Variants in FCHO1 observed in about 807,000 individuals in gnomAD.
FCHO1 encodes F-BAR domain only protein 1.
FCHO1 carries 45 observed loss-of-function variants against 114.4 expected under a neutral mutation model. The ratio of observed to expected loss-of-function variants is 0.39; its 90% CI spans 0.31 to 0.50. The LOEUF is 0.50. Ranked by LOEUF, FCHO1 falls within the 20% of genes least tolerant of loss-of-function variation. FCHO1 has a pLI of 0.77. For missense variants in FCHO1, 1,042 were observed against 1,209.6 expected (o/e 0.86, Z 2.06); for synonymous variants, 480 against 488.9 (o/e 0.98, Z 0.24).
At chr19:17,768,740 T>A (rs1324384382) in intron 7 of FCHO1, among the ~76,000 whole-genome samples, 1 of 141,086 alleles carries the variant, frequency 7.1e-6, no homozygotes, top group Non-Finnish European at 1.5e-5. Flanking sequence ...AGAGAAGGGG[T>A]CCTGCTGTGT....
chr19:17,783,064 G>T lies in FCHO1; in HGVS notation c.1985G>T (p.Gly662Val). The change falls in exon 24 of 29, where the codon GGC becomes GTC. Residue 662 changes from glycine to valine, a missense_variant. Around this residue, in one of 3 missense-constraint regions of FCHO1, gnomAD observed 455 missense variants for 455.4 expected, o/e 1.00. Transcript: ENST00000596536. ...TGELTMTFPA[G>V]IVRVFSGTPP... ...GAGCTGACCATGACCTTCCCTGCTG[G>T]CATCGTGCGTGTGTTCAGCGGGACC... The T allele has an allele frequency of 6.2e-7, 1 of 1,614,122 alleles. No homozygotes were observed. The highest frequency in any genetic ancestry group is 8.5e-7 in the Non-Finnish European group (1 of 1,180,016).
Position 17,788,332 on chromosome 19 carries a change from C to A in FCHO1, c.*26C>A. 1 of 1,601,874 alleles carries A rather than the reference C, an allele frequency of 6.2e-7. No homozygotes were observed. Among genetic ancestry groups the A allele is most frequent in the Non-Finnish European group, 8.5e-7 (1 of 1,172,262 alleles). ...ACCCGCAAATGCTGCTGCCCCAGCT[C>A]TACACTGCGCCCTGGTGCTGGCTGA... is the stretch of plus-strand genomic sequence containing the variant. On this transcript the variant is annotated 3_prime_UTR_variant, in exon 29 of 29. Coordinates refer to ENST00000596536, the MANE Select transcript of FCHO1 (RefSeq NM_015122.3).
At chr19:17,760,985 C>T (rs1390267437) in intron 4 of FCHO1, among the ~76,000 whole-genome samples, 4 of 152,156 alleles carry the variant, frequency 2.6e-5, no homozygotes, top group Non-Finnish European at 5.9e-5. Flanking sequence ...CCTAAAAGCT[C>T]AGAGGGGGCA....
intron 26 of FCHO1, among the ~76,000 whole-genome samples, chr19:17,785,565 G>A (rs553223316): frequency 6.6e-6 from 1 of 152,214 alleles, no homozygotes; most frequent in Non-Finnish European, 1.5e-5. Context: ...CGGGTGCGGT[G>A]GCTCACACCT....
At chr19:17,780,356 G>A (rs372482360) in intron 20 of FCHO1, among the ~76,000 whole-genome samples, 1 of 152,024 alleles carries the variant, frequency 6.6e-6, no homozygotes, top group African/African-American at 2.4e-5. Context: ...TAGAGATGGG[G>A]TTTCACCATG....
rs555900461 is a variant in FCHO1 at position 17,764,545 on chromosome 19, C to T, written c.194+96C>T. 125 of 962,868 alleles carry T rather than the reference C, an allele frequency of 1.3e-4. No individual in the cohort carries two copies. In the African/African-American group the frequency reaches 1.9e-3, roughly 15 times the overall value. 59.6% of individuals were successfully genotyped at this position (962,868 alleles called of 1,614,324 possible). A position where few individuals can be genotyped will look rare whatever the true frequency, so the allele number is the denominator to read the frequency against. ...CGGTGCATGTAGAATAGAGTGTCAT[C>T]CACCTCGATTATGGGGCTATTTGGA... On this transcript the variant is annotated intron_variant, in intron 6 of 28. Transcript: ENST00000596536.
Position 17,766,659 on chromosome 19 carries a change from C to T in FCHO1, c.195-10C>T, listed in dbSNP as rs376703961. The stretch of plus-strand genomic sequence containing the variant: ...TGATGAACCCTGGGTGTGACCTTGC[C>T]CGCCCCCAGGACCTTCGCCCCGCTC... On this transcript the variant is annotated splice_polypyrimidine_tract_variant and intron_variant, in intron 6 of 28. Coordinates refer to ENST00000596536, the MANE Select transcript of FCHO1 (RefSeq NM_015122.3). The T allele has an allele frequency of 6.2e-7, 1 of 1,613,946 alleles. No individual in the cohort carries two copies. Among genetic ancestry groups the T allele is most frequent in the African/African-American group, 1.3e-5 (1 of 75,054 alleles).
upstream of FCHO1, among the ~76,000 whole-genome samples, chr19:17,750,368 G>GA (rs1372352968): frequency 6.6e-6 from 1 of 151,900 alleles, no homozygotes; most frequent in African/African-American, 2.4e-5. Context: ...AATCCAAAGG[G>GA]AAAAAAATGA....
Position 17,770,859 on chromosome 19 carries a change from G to C in FCHO1, c.557G>C (p.Arg186Pro). 1 of 1,614,132 alleles carries C rather than the reference G, an allele frequency of 6.2e-7. No individual in the cohort carries two copies. Among genetic ancestry groups the C allele is most frequent in the Non-Finnish European group, 8.5e-7 (1 of 1,180,044 alleles). The change falls in exon 9 of 29, where the codon CGA becomes CCA. Residue 186 changes from arginine (R) to proline (P), a missense_variant. By Grantham distance (103) the Arg-to-Pro change is moderately radical. Around this residue, in one of 3 missense-constraint regions of FCHO1, gnomAD observed 450 missense variants for 564.1 expected, o/e 0.80. Transcript: ENST00000596536. ...RRSVEKYNSA[R>P]ADFEQKMLDS... ...TCAGTGGAAAAATACAACTCAGCCC[G>C]AGCTGACTTTGAGCAGAAGATGCTG... is the stretch of plus-strand genomic sequence containing the variant.
In FCHO1 at chr19:17,781,232, C is replaced by T. The variant is rs756311203; in HGVS notation, c.1629C>T (p.Asp543=). ...GTGCCTCTTTGTACTCGCTCCTAGACCTGATGCCTGCACCTGCTGACCCCA... is the reference window on the plus strand; with the variant it reads ...GTGCCTCTTTGTACTCGCTCCTAGATCTGATGCCTGCACCTGCTGACCCCA... ...PWGLEALAGG[D]LMPAPADPTA... The change falls in exon 21 of 29, where the codon GAC becomes GAT. Residue 543 remains aspartate (D), a splice_region_variant and synonymous_variant. Transcript: ENST00000596536. The T allele has an allele frequency of 1.2e-6, 2 of 1,611,868 alleles. No individual in the cohort carries two copies. The highest frequency in any genetic ancestry group is 4.5e-5 in the East Asian group (2 of 44,842).
chr19:17,759,225 C>CTTTTTTTTTT (rs2085055880), intron 4 of FCHO1, among the ~76,000 whole-genome samples: 2 of 12,302 alleles, frequency 1.6e-4, no homozygotes, highest in African/African-American at 3.8e-4. Context: ...CAGCTGATTA[C>CTTTTTTTTTT]CTTTTTTTTT....
chr19:17,754,934 C>G (rs991548366), intron 3 of FCHO1, 184 bp from the exon 4 acceptor site: 1 of 564,266 alleles, frequency 1.8e-6, no homozygotes, highest in Non-Finnish European at 3.2e-6. Flanking sequence ...CTGTCCCCCT[C>G]TACTGGAGCT....
At chr19:17,750,493 C>G (rs2081614422), upstream of FCHO1, among the ~76,000 whole-genome samples, 1 of 152,196 alleles carries the variant, frequency 6.6e-6, no homozygotes, top group African/African-American at 2.4e-5. Context: ...GAGTCTCTCT[C>G]TGTCACCCAG....
In FCHO1 at chr19:17,775,321, G is replaced by C. The variant is rs989510947; in HGVS notation, c.946-135G>C. On this transcript the variant is annotated intron_variant, in intron 14 of 28. Coordinates refer to ENST00000596536, the MANE Select transcript of FCHO1 (RefSeq NM_015122.3). This position sits in a 1 kb window ranked among gnomAD's most constrained non-coding sequence, Gnocchi z 5.1. ...GGAACCTGCCCACACACCCAGGGAA[G>C]ACAGTCGTTGCCATCAGGGTTGGTT... 2 of 944,002 alleles carry C rather than the reference G, an allele frequency of 2.1e-6. No individual in the cohort carries two copies. Among genetic ancestry groups the C allele is most frequent in the Non-Finnish European group, 3.4e-6 (2 of 584,634 alleles). 58.5% of individuals were successfully genotyped at this position (944,002 alleles called of 1,614,324 possible). A position where few individuals can be genotyped will look rare whatever the true frequency, so the allele number is the denominator to read the frequency against.
intron 27 of FCHO1, among the ~76,000 whole-genome samples, chr19:17,787,481 G>A (rs180885749): frequency 6.4e-4 from 97 of 152,102 alleles, no homozygotes; most frequent in African/African-American, 2.3e-3. Flanking sequence ...CAGGTGCAAA[G>A]GCCCTGAGGC....
intron 23 of FCHO1, 27 bp from the exon 24 acceptor site, chr19:17,782,990 A>G: frequency 6.2e-7 from 1 of 1,611,138 alleles, no homozygotes; most frequent in African/African-American, 1.3e-5. Context: ...GCCCTAAGCC[A>G]ACACCCAGTC....
intron 9 of FCHO1, among the ~76,000 whole-genome samples, chr19:17,771,954 A>T (rs2091711673): frequency 6.6e-6 from 1 of 152,094 alleles, no homozygotes; most frequent in South Asian, 2.1e-4. Context: ...TTGGGATTAC[A>T]GGCACGTGCC....
rs372256567 is a variant in FCHO1, at chr19:17,781,765, A to T, written c.1882A>T (p.Ile628Leu). Residue 628 changes from isoleucine to leucine, a missense_variant, in exon 23 of 29, where the codon ATA becomes TTA. Ile to Leu is a conservative substitution (Grantham distance 5). Around this residue, in one of 3 missense-constraint regions of FCHO1, gnomAD observed 455 missense variants for 455.4 expected, o/e 1.00. Coordinates refer to ENST00000596536, the MANE Select transcript of FCHO1 (RefSeq NM_015122.3). ...CCTGGGCTCCCAGGATGCCCTGCCC[A>T]TAGCCACAGCCTTCACAGAGTATGT... ...VVLGSQDALP[I>L]ATAFTEYVHA... The T allele has an allele frequency of 6.2e-7, 1 of 1,611,736 alleles. No individual in the cohort carries two copies. Among genetic ancestry groups the T allele is most frequent in the East Asian group, 2.2e-5 (1 of 44,856 alleles).
At position 17,775,200 on chromosome 19, in the gene FCHO1, G is replaced by C. The variant is rs2092448341; in HGVS notation, c.945+120G>C. 8.5e-7 allele frequency: 1 copy of C among 1,170,404 alleles called. No individual in the cohort carries two copies. Among genetic ancestry groups the C allele is most frequent in the African/African-American group, 1.5e-5 (1 of 65,236 alleles). 72.5% of individuals were successfully genotyped at this position (1,170,404 alleles called of 1,614,324 possible). A position where few individuals can be genotyped will look rare whatever the true frequency, so the allele number is the denominator to read the frequency against. On this transcript the variant is annotated intron_variant, in intron 14 of 28. Transcript: ENST00000596536. This position sits in a 1 kb window ranked among gnomAD's most constrained non-coding sequence, Gnocchi z 5.1. ...AGAGCCGAGATTGAGGGGCGGGCTG[G>C]AGCCTGGGGGCTGGGTTCATATCCC...
Sources: allele counts gnomAD v4.1 joint callset (sites outside exome capture counted in the v4.1 genomes callset), GRCh38; gene constraint gnomAD v4.1.1; regional missense constraint gnomAD v4.1.1; non-coding constraint Gnocchi (gnomAD v3.1); transcripts MANE v1.5; gene names NCBI Gene and HGNC (gene_info 2026-07-23, HGNC 2026-07-21).